TCF4: variants seen among roughly 807,000 people sequenced by gnomAD.
The protein encoded by TCF4 is transcription factor 4.
TCF4 carries 3 observed loss-of-function variants against 82.1 expected under a neutral mutation model. The ratio of observed to expected loss-of-function variants is 0.04; its 90% CI spans 0.02 to 0.09. The LOEUF (loss-of-function observed/expected upper bound fraction) is 0.09. TCF4 is among the 10% of genes least tolerant of loss of function. The pLI is 1.00. For synonymous variants in TCF4, 276 were observed against 309.6 expected (o/e 0.89, Z 1.14); for missense variants, 518 against 852.7 (o/e 0.61, Z 4.89).
intron 3 of TCF4, among the ~76,000 whole-genome samples, chr18:55,490,941 T>C (rs1242492176): frequency 6.6e-6 from 1 of 152,126 alleles, no homozygotes; most frequent in African/African-American, 2.4e-5. Flanking sequence ...ACAGTATTAA[T>C]GGAAAGGTTA....
intron 5 of TCF4, among the ~76,000 whole-genome samples, chr18:55,416,477 T>G (rs2094528942): frequency 6.6e-6 from 1 of 152,222 alleles, no homozygotes; most frequent in Non-Finnish European, 1.5e-5. Flanking sequence ...GCCAAAAGGC[T>G]AAGAAGCGAT....
At chr18:55,258,904 A>G (rs544114574) in intron 13 of TCF4, among the ~76,000 whole-genome samples, 1 of 152,182 alleles carries the variant, frequency 6.6e-6, no homozygotes, top group Non-Finnish European at 1.5e-5. Context: ...AATCACCTCA[A>G]TCGCTTCCCA....
intron 6 of TCF4, among the ~76,000 whole-genome samples, chr18:55,400,572 G>A (rs1336664275): frequency 6.6e-6 from 1 of 152,026 alleles, no homozygotes; most frequent in Admixed American, 6.6e-5. Context: ...CAACTTAATT[G>A]CTAATAAAGA....
At chr18:55,274,539 C>A (rs953024362) in intron 10 of TCF4, among the ~76,000 whole-genome samples, 1 of 152,030 alleles carries the variant, frequency 6.6e-6, no homozygotes, top group African/African-American at 2.4e-5. Flanking sequence ...ACTGGTTGAG[C>A]AAAAGAGAGC....
intron 1 of TCF4, among the ~76,000 whole-genome samples, chr18:55,632,262 T>A (rs1057247388): frequency 6.6e-6 from 1 of 152,102 alleles, no homozygotes; most frequent in Non-Finnish European, 1.5e-5. Flanking sequence ...ACGGTCTCCA[T>A]CTCCTGACCT....
chr18:55,270,433 T>A (rs1404009925), intron 10 of TCF4, among the ~76,000 whole-genome samples: 2 of 152,104 alleles, frequency 1.3e-5, no homozygotes, highest in Non-Finnish European at 2.9e-5. Context: ...CAGTCTCAAA[T>A]CTTCTTCCTC....
Position 55,254,531 on chromosome 18 carries a change from G to A in TCF4, c.1316C>T (p.Thr439Ile), listed in dbSNP as rs778753474. The A allele has an allele frequency of 1.2e-6, 2 of 1,613,692 alleles. No individual in the cohort carries two copies. Among genetic ancestry groups the A allele is most frequent in the Non-Finnish European group, 1.7e-6 (2 of 1,179,818 alleles). The change falls in exon 15 of 20, where the codon ACC becomes ATC. Residue 439 changes from threonine to isoleucine, a missense_variant. Physicochemically the swap from Thr to Ile is moderately conservative, Grantham distance 89. This residue lies in a region of TCF4 where 144 missense variants were observed against 190.2 expected (regional missense o/e 0.76). Transcript: ENST00000354452. ...AMGGLGSGYGTGLLSANRHSL... is the reference protein window; with the variant it reads ...AMGGLGSGYGIGLLSANRHSL... Reference sequence around the variant, plus strand: ...ATGTCTGTTGGCTGAAAGAAGGCCGGTTCCATACCCTGAGCCCAGACCACC... The same window carrying A: ...ATGTCTGTTGGCTGAAAGAAGGCCGATTCCATACCCTGAGCCCAGACCACC...
intron 3 of TCF4, among the ~76,000 whole-genome samples, chr18:55,469,876 A>G (rs922055583): frequency 6.6e-6 from 1 of 152,260 alleles, no homozygotes; most frequent in Non-Finnish European, 1.5e-5. Context: ...ACTCTCCCAC[A>G]GAAAACTAAA....
chr18:55,494,006 T>C (rs1028264942), intron 3 of TCF4, among the ~76,000 whole-genome samples: 4 of 152,266 alleles, frequency 2.6e-5, no homozygotes, highest in African/African-American at 9.6e-5. Context: ...AGGTCACATT[T>C]GATTTTGTAA....
At chr18:55,505,394 T>A (rs557674855) in intron 3 of TCF4, among the ~76,000 whole-genome samples, 1 of 152,194 alleles carries the variant, frequency 6.6e-6, no homozygotes, top group Admixed American at 6.5e-5. Context: ...ATAATTATTA[T>A]AGCTAACACT....
intron 14 of TCF4, 138 bp downstream of exon 14, chr18:55,257,177 C>T: frequency 1.2e-6 from 1 of 851,450 alleles, no homozygotes; most frequent in Non-Finnish European, 1.9e-6. Flanking sequence ...ATGACTCTGG[C>T]TCCCGCAAAC....
chr18:55,530,527 C>T (rs113303413), intron 3 of TCF4, among the ~76,000 whole-genome samples: 546 of 30,780 alleles, frequency 0.018, 3 homozygotes, highest in African/African-American at 0.07. Flanking sequence ...TAGCATTATG[C>T]GGGGGCTCTG....
In TCF4 at chr18:55,330,176, ATTT is replaced by A. The variant is rs3077897; in HGVS notation, c.549+20180_549+20182del. On this transcript the variant is annotated intron_variant, in intron 8 of 19. Transcript: ENST00000354452. Reference sequence around the variant, plus strand: ...CCTTCAAACTTGCCAGCAATGTTGGATTTTTTTTTTTTTTTTTTTTTTTGAGAT... The same window carrying A: ...CCTTCAAACTTGCCAGCAATGTTGGATTTTTTTTTTTTTTTTTTTTGAGAT... Among the ~76,000 whole-genome samples, 396 of 110,418 alleles carry A rather than the reference ATTT, an allele frequency of 3.6e-3. 2 individuals are homozygous for A. The East Asian group carries it at 0.055, about 15-fold the overall frequency. 72.4% of individuals were successfully genotyped at this position (110,418 alleles called of 152,430 possible).
chr18:55,598,538 G>C (rs1175164763), intron 2 of TCF4, among the ~76,000 whole-genome samples: 1 of 152,194 alleles, frequency 6.6e-6, no homozygotes, highest in Admixed American at 6.5e-5. Flanking sequence ...ATGTGCCTGA[G>C]AAGAACATTC....
intron 5 of TCF4, among the ~76,000 whole-genome samples, chr18:55,429,921 T>C (rs1036247512): frequency 6.6e-6 from 1 of 152,094 alleles, no homozygotes; most frequent in Non-Finnish European, 1.5e-5. Context: ...CTTACTCAGC[T>C]ATTCACAGAC....
At chr18:55,542,185 T>A (rs1016975605) in intron 3 of TCF4, among the ~76,000 whole-genome samples, 8 of 152,016 alleles carry the variant, frequency 5.3e-5, no homozygotes, top group Non-Finnish European at 1.0e-4. Flanking sequence ...ACTACTAAAG[T>A]GTGTGAATAT....
At chr18:55,279,132 A>G (rs1203088961) in intron 9 of TCF4, among the ~76,000 whole-genome samples, 2 of 152,194 alleles carry the variant, frequency 1.3e-5, no homozygotes, top group South Asian at 4.1e-4. Context: ...TAAGTGGGTG[A>G]AAATTTTACA....
chr18:55,256,302 G>C (rs1412185891), intron 14 of TCF4, among the ~76,000 whole-genome samples: 2 of 152,076 alleles, frequency 1.3e-5, no homozygotes, highest in Non-Finnish European at 2.9e-5. Flanking sequence ...ACGAAGCCTG[G>C]TTTTGATGAA....
intron 11 of TCF4, among the ~76,000 whole-genome samples, chr18:55,262,109 C>T (rs1237163678): frequency 6.6e-6 from 1 of 152,116 alleles, no homozygotes; most frequent in Admixed American, 6.5e-5. Context: ...AGTCTGTGTT[C>T]ACACTAAAAA....
Sources: allele counts gnomAD v4.1 joint callset (sites outside exome capture counted in the v4.1 genomes callset), GRCh38; gene constraint gnomAD v4.1.1; regional missense constraint gnomAD v4.1.1; transcripts MANE v1.5; gene names NCBI Gene and HGNC (gene_info 2026-07-23, HGNC 2026-07-21).